Variants in HECW1 observed in about 807,000 individuals in gnomAD.
HECW1 encodes HECT, C2 and WW domain containing E3 ubiquitin protein ligase 1, also known as E3 ubiquitin-protein ligase HECW1.
HECW1 carries 61 observed loss-of-function variants against 182.3 expected under a neutral mutation model. The observed-to-expected ratio is 0.33, with a 90% CI of 0.27 to 0.41. HECW1 has a LOEUF of 0.41. Among genes scored for constraint, HECW1 ranks in the 10% least tolerant of loss-of-function variants. HECW1 has a pLI of 1.00. For missense variants in HECW1, 1,739 were observed against 2,108.9 expected (o/e 0.82, Z 3.44); for synonymous variants, 859 against 832.6 (o/e 1.03, Z -0.55).
intron 8 of HECW1, among the ~76,000 whole-genome samples, chr7:43,412,268 G>C (rs940991182): frequency 6.6e-6 from 1 of 151,716 alleles, no homozygotes; most frequent in African/African-American, 2.4e-5. Context: ...TCTTGTTATA[G>C]TTATTATATA....
intron 8 of HECW1, among the ~76,000 whole-genome samples, chr7:43,410,469 G>A (rs979955526): frequency 2.0e-5 from 3 of 152,126 alleles, no homozygotes; most frequent in African/African-American, 7.2e-5. Flanking sequence ...GGGTGTTAGA[G>A]TTTCACATAT....
Position 43,469,018 on chromosome 7 carries a change from G to A in HECW1, c.3012G>A (p.Arg1004=), listed in dbSNP as rs150631717. 2 of 1,614,152 alleles carry A rather than the reference G, an allele frequency of 1.2e-6. No homozygotes were observed. Among genetic ancestry groups the A allele is most frequent in the Non-Finnish European group, 8.5e-7 (1 of 1,180,044 alleles). The stretch of plus-strand genomic sequence containing the variant: ...ATTTTGAACGCTACCAGCACAACCG[G>A]GACTTGGTGAATTTCATCAACATGT... The part of the protein sequence containing the change: ...ARNFERYQHN[R]DLVNFINMFA... The change falls in exon 16 of 30, where the codon CGG becomes CGA. Residue 1004 remains arginine, a synonymous_variant. Coordinates refer to ENST00000395891, the MANE Select transcript of HECW1 (RefSeq NM_015052.5).
At chr7:43,528,401 C>T (rs1378169194) in intron 24 of HECW1, among the ~76,000 whole-genome samples, 2 of 152,118 alleles carry the variant, frequency 1.3e-5, no homozygotes, top group South Asian at 2.1e-4. Flanking sequence ...AACTCCTTTC[C>T]ACATTAACCT....
At chr7:43,488,458 A>AAG (rs1268977449) in intron 17 of HECW1, among the ~76,000 whole-genome samples, 5 of 149,004 alleles carry the variant, frequency 3.4e-5, no homozygotes, top group Non-Finnish European at 7.4e-5. Context: ...GAAAGAAAGA[A>AAG]AGAAAGAAAG....
intron 16 of HECW1, among the ~76,000 whole-genome samples, chr7:43,477,828 T>A (rs964696228): frequency 6.6e-6 from 1 of 152,202 alleles, no homozygotes; most frequent in Non-Finnish European, 1.5e-5. Flanking sequence ...GCTCATACCT[T>A]CCAAGAATAA....
At chr7:43,406,042 G>A (rs1295352140) in intron 7 of HECW1, among the ~76,000 whole-genome samples, 1 of 152,202 alleles carries the variant, frequency 6.6e-6, no homozygotes, top group Non-Finnish European at 1.5e-5. Flanking sequence ...TCTAGTGTAA[G>A]AACATGTCAA....
At chr7:43,182,356 C>A (rs1217407596) in intron 2 of HECW1, among the ~76,000 whole-genome samples, 1 of 152,174 alleles carries the variant, frequency 6.6e-6, no homozygotes, top group Non-Finnish European at 1.5e-5. Context: ...TGTTAAGTTT[C>A]ATTCTTCTGC....
At chr7:43,543,325 C>T (rs993615402) in intron 26 of HECW1, among the ~76,000 whole-genome samples, 2 of 152,132 alleles carry the variant, frequency 1.3e-5, no homozygotes, top group Admixed American at 6.5e-5. Flanking sequence ...CACCAAGCAC[C>T]GCATCCCAGT....
chr7:43,228,486 C>T (rs1221472719), intron 2 of HECW1, among the ~76,000 whole-genome samples: 6 of 152,184 alleles, frequency 3.9e-5, no homozygotes, highest in Admixed American at 3.3e-4. Context: ...GAAAATGTAC[C>T]GTCAGGAGGT....
At position 43,325,237 on chromosome 7, in the gene HECW1, A is replaced by G. The variant is rs530310941; in HGVS notation, c.460+4495A>G. On this transcript the variant is annotated intron_variant, in intron 5 of 29. Coordinates refer to ENST00000395891, the MANE Select transcript of HECW1 (RefSeq NM_015052.5). ...ATACAAACTTGAACACTGACAGAAG[A>G]CAGAACTGGTGAAATCTTAAGTTGA... Among the ~76,000 whole-genome samples, 5 of 152,356 alleles carry G rather than the reference A, an allele frequency of 3.3e-5. No individual in the cohort carries two copies. The East Asian group carries it at 5.8e-4, about 18-fold the overall frequency.
chr7:43,422,058 A>G (rs1273951212), intron 8 of HECW1, among the ~76,000 whole-genome samples: 1 of 152,224 alleles, frequency 6.6e-6, no homozygotes, highest in African/African-American at 2.4e-5. Flanking sequence ...TCAAACAAAC[A>G]GTACAGCGAG....
intron 5 of HECW1, among the ~76,000 whole-genome samples, chr7:43,337,827 A>G (rs1039228666): frequency 6.6e-6 from 1 of 152,152 alleles, no homozygotes; most frequent in African/African-American, 2.4e-5. Context: ...TTTTTTATAG[A>G]AGACACTCAC....
chr7:43,493,227 T>A, intron 19 of HECW1, 47 bp downstream of exon 19: 1 of 1,286,854 alleles, frequency 7.8e-7, no homozygotes. Flanking sequence ...TTTCCAGCCA[T>A]TTTTCCCGGT....
intron 3 of HECW1, among the ~76,000 whole-genome samples, chr7:43,277,518 A>G (rs1365454560): frequency 6.6e-6 from 1 of 152,122 alleles, no homozygotes; most frequent in East Asian, 1.9e-4. Context: ...CCATGACTGT[A>G]TTCTCCGCCA....
At chr7:43,174,887 T>C (rs1024409792) in intron 2 of HECW1, among the ~76,000 whole-genome samples, 2 of 152,176 alleles carry the variant, frequency 1.3e-5, no homozygotes, top group South Asian at 2.1e-4. Flanking sequence ...AGATGGAATA[T>C]ACTTACTCAT....
intron 18 of HECW1, 122 bp from the exon 19 acceptor site, chr7:43,492,962 G>T: frequency 1.7e-6 from 1 of 590,764 alleles, no homozygotes; most frequent in Non-Finnish European, 3.0e-6. Context: ...TTTTTGATGA[G>T]TATGCTGCCT....
intron 26 of HECW1, 115 bp downstream of exon 26, chr7:43,542,113 A>T: frequency 1.1e-6 from 1 of 900,212 alleles, no homozygotes; most frequent in Non-Finnish European, 1.5e-6. Context: ...GCTTCAGTAT[A>T]TCCACATTGT....
intron 2 of HECW1, chr7:43,239,032 A>G (rs1202053254): frequency 6.6e-6 from 1 of 152,242 alleles, no homozygotes; most frequent in African/African-American, 2.4e-5. Context: ...GATTGGGACA[A>G]AACAAAATCA....
At chr7:43,138,304 T>C (rs1368259826) in intron 2 of HECW1, among the ~76,000 whole-genome samples, 1 of 152,230 alleles carries the variant, frequency 6.6e-6, no homozygotes, top group East Asian at 1.9e-4. Context: ...TAGTCAATGG[T>C]TTAATCTATG....
Sources: allele counts gnomAD v4.1 joint callset (sites outside exome capture counted in the v4.1 genomes callset), GRCh38; gene constraint gnomAD v4.1.1; transcripts MANE v1.5; gene names NCBI Gene and HGNC (gene_info 2026-07-23, HGNC 2026-07-21).